TSC22D1: variants seen among roughly 807,000 people sequenced by gnomAD.
TSC22D1 encodes TSC22 domain family protein 1.
Under a neutral mutation model 74.2 loss-of-function variants are expected in TSC22D1, and 9 were observed. The observed-to-expected ratio is 0.12, with a 90% CI of 0.07 to 0.21. The LOEUF (loss-of-function observed/expected upper bound fraction) is 0.21. Ranked by LOEUF, TSC22D1 falls within the 10% of genes least tolerant of loss-of-function variation. The probability of loss-of-function intolerance (pLI) is 1.00; values close to 1 mark genes in which losing one functional copy is unlikely to be tolerated. For synonymous variants in TSC22D1, 586 were observed against 492.5 expected (o/e 1.19, Z -2.51); for missense variants, 1,427 against 1,304.7 (o/e 1.09, Z -1.44).
At chr13:44,537,448 CT>C in intron 1 of TSC22D1, 2 of 985,070 alleles carry the variant, frequency 2.0e-6, no homozygotes, top group Non-Finnish European at 2.4e-6. Flanking sequence ...GATTAAATCA[CT>C]TTTCATCTTC....
At chr13:44,461,851 C>T (rs1229742172) in intron 1 of TSC22D1, among the ~76,000 whole-genome samples, 1 of 152,128 alleles carries the variant, frequency 6.6e-6, no homozygotes, top group Non-Finnish European at 1.5e-5. Context: ...TAGTGCAAAC[C>T]AGCGAAATAT....
intron 1 of TSC22D1, among the ~76,000 whole-genome samples, chr13:44,534,157 T>C (rs1381018573): frequency 4.6e-5 from 7 of 150,552 alleles, no homozygotes; most frequent in African/African-American, 1.5e-4. Context: ...CCTGGGGAGT[T>C]CGAGGCTGCA....
chr13:44,517,827 GTGTA>G (rs1472754164), intron 1 of TSC22D1, among the ~76,000 whole-genome samples: 7 of 24,636 alleles, frequency 2.8e-4, no homozygotes, highest in Admixed American at 8.1e-4. Flanking sequence ...GTGTGTGTGT[GTGTA>G]TATATATATA....
chr13:44,465,028 A>T (rs987414920), intron 1 of TSC22D1, among the ~76,000 whole-genome samples: 1 of 152,224 alleles, frequency 6.6e-6, no homozygotes, highest in African/African-American at 2.4e-5. Flanking sequence ...ACAATGCTGC[A>T]CAAGTTTTGA....
intron 1 of TSC22D1, among the ~76,000 whole-genome samples, chr13:44,534,640 G>A (rs1434641375): frequency 2.0e-5 from 3 of 151,944 alleles, no homozygotes; most frequent in Non-Finnish European, 4.4e-5. Context: ...ACTTTCTCCT[G>A]TCAATTATTT....
chr13:44,510,752 C>T (rs529474357), intron 1 of TSC22D1, among the ~76,000 whole-genome samples: 1 of 152,136 alleles, frequency 6.6e-6, no homozygotes, highest in African/African-American at 2.4e-5. Context: ...ACCACCACAC[C>T]CAGCTAATTT....
At chr13:44,474,264 A>G (rs1043837504) in intron 1 of TSC22D1, 6 of 985,304 alleles carry the variant, frequency 6.1e-6, no homozygotes, top group Middle Eastern at 5.2e-4. Flanking sequence ...GCTACAGACT[A>G]TGGTGGCTTT....
At chr13:44,561,943 G>A (rs1430383912) in intron 1 of TSC22D1, among the ~76,000 whole-genome samples, 1 of 152,098 alleles carries the variant, frequency 6.6e-6, no homozygotes, top group East Asian at 1.9e-4. Flanking sequence ...GAGAGAGAGC[G>A]AGCTATGCAC....
At chr13:44,447,811 C>T (rs1243702810) in intron 1 of TSC22D1, among the ~76,000 whole-genome samples, 1 of 146,020 alleles carries the variant, frequency 6.8e-6, no homozygotes, top group Non-Finnish European at 1.5e-5. Context: ...ATCTATAATG[C>T]TAAGAAGACC....
At chr13:44,436,841 C>A (rs1227285692) in intron 1 of TSC22D1, 29 of 1,327,592 alleles carry the variant, frequency 2.2e-5, no homozygotes, top group Non-Finnish European at 2.8e-5. Flanking sequence ...CGCAGCCGGG[C>A]TCCACTCAGC....
At chr13:44,477,051 G>A (rs1877950848) in intron 1 of TSC22D1, among the ~76,000 whole-genome samples, 1 of 152,090 alleles carries the variant, frequency 6.6e-6, no homozygotes, top group African/African-American at 2.4e-5. Context: ...CACGATCTTG[G>A]CTAACTGCAA....
At chr13:44,464,977 C>T (rs1409550305) in intron 1 of TSC22D1, among the ~76,000 whole-genome samples, 1 of 152,200 alleles carries the variant, frequency 6.6e-6, no homozygotes, top group Non-Finnish European at 1.5e-5. Context: ...TGCTGTTTTA[C>T]TAAACTGGTA....
rs765880077 is a variant in TSC22D1 at position 44,461,906 on chromosome 13, G to A, written c.2913-25811C>T. On this transcript the variant is annotated intron_variant, in intron 1 of 2. Transcript: ENST00000458659. ...TAGGAGCACCAGTGGGGTGTTTACC[G>A]CAGGGGAGTAGCCTGACCAGCTCTG... is the stretch of plus-strand genomic sequence containing the variant. Among the ~76,000 whole-genome samples the A allele has an allele frequency of 3.9e-5, 6 of 152,152 alleles. No homozygotes were observed. The South Asian group carries it at 8.3e-4, about 21-fold the overall frequency.
At chr13:44,479,472 C>T (rs1024988733) in intron 1 of TSC22D1, among the ~76,000 whole-genome samples, 1 of 152,098 alleles carries the variant, frequency 6.6e-6, no homozygotes, top group Admixed American at 6.5e-5. Flanking sequence ...TCTCATAAAG[C>T]CACTGTACCA....
At chr13:44,536,882 C>A (rs1253909332) in intron 1 of TSC22D1, 1 of 970,836 alleles carries the variant, frequency 1.0e-6, no homozygotes, top group Non-Finnish European at 1.2e-6. Context: ...TCACTGGTGA[C>A]CCCCACGAAG....
At chr13:44,445,829 T>C (rs1398060384) in intron 1 of TSC22D1, among the ~76,000 whole-genome samples, 1 of 152,114 alleles carries the variant, frequency 6.6e-6, no homozygotes, top group African/African-American at 2.4e-5. Context: ...GATATACCAC[T>C]ACACACCTAT....
intron 1 of TSC22D1, among the ~76,000 whole-genome samples, chr13:44,481,756 C>T (rs1452393399): frequency 6.6e-6 from 1 of 152,130 alleles, no homozygotes; most frequent in East Asian, 1.9e-4. Context: ...GGATTTCATC[C>T]TCTTTATGTC....
rs778152880 is a variant in TSC22D1 at position 44,468,743 on chromosome 13, T to G, written c.2913-32648A>C. ...AACAGTATCTCCTATTACTGGTCTT[T>G]ATATCAAGAAATATTATCATCTTTA... On this transcript the variant is annotated intron_variant, in intron 1 of 2. Coordinates refer to ENST00000458659, the MANE Select transcript of TSC22D1 (RefSeq NM_183422.4). Among the ~76,000 whole-genome samples the G allele has an allele frequency of 5.3e-5, 8 of 150,096 alleles. No homozygotes were observed. In the Admixed American group the frequency reaches 5.4e-4, roughly 10 times the overall value.
rs1218921043 is a variant in TSC22D1 at position 44,433,320 on chromosome 13, A to ACTC, written c.*1303_*1305dup. 1 of 152,276 alleles carries ACTC rather than the reference A, an allele frequency of 6.6e-6. No individual in the cohort carries two copies. The highest frequency in any genetic ancestry group is 1.5e-5 in the Non-Finnish European group (1 of 68,164). The allele number at this position is 152,276 out of a possible 1,614,324, so 9.4% of individuals were successfully genotyped here. On this transcript the variant is annotated 3_prime_UTR_variant, in exon 3 of 3. Transcript: ENST00000458659. ...CACACAGTAGTTAGAATTGAGCTGG[A>ACTC]CTCCTCCACTGTCTCTTCTCTTACC...
Sources: gnomAD v4.1 joint callset for allele counts (sites outside exome capture counted in the v4.1 genomes callset) on GRCh38, gnomAD v4.1.1 for gene constraint, MANE v1.5 for transcripts, NCBI Gene and HGNC (gene_info 2026-07-23, HGNC 2026-07-21) for gene names.